Variants in DPYD observed in about 807,000 individuals in gnomAD.
DPYD encodes dihydropyrimidine dehydrogenase [NADP(+)].
A neutral mutation model predicts 116.2 loss-of-function variants in DPYD; 109 were observed. The ratio of observed to expected loss-of-function variants is 0.94; its 90% confidence interval spans 0.80 to 1.10. DPYD has a LOEUF of 1.10. DPYD is among the 50% of genes least tolerant of loss of function. DPYD has a pLI of 0.00. For synonymous variants in DPYD, 440 were observed against 432.0 expected, an observed-to-expected ratio of 1.02 and a Z score of -0.23; for missense variants, 1,302 against 1,254.5, an observed-to-expected ratio of 1.04 and a Z score of -0.57.
Position 97,193,236 on chromosome 1 carries a change from T to C in DPYD, c.2455A>G (p.Ile819Val). The C allele has an allele frequency of 3.1e-6, 5 of 1,613,568 alleles. No individual in the cohort carries two copies. Among genetic ancestry groups the C allele is most frequent in the Non-Finnish European group, 4.2e-6 (5 of 1,179,780 alleles). Residue 819 changes from isoleucine to valine, a missense_variant, in exon 20 of 23, where the codon ATT (isoleucine) becomes GTT (valine). By Grantham distance (29) the Ile-to-Val change is conservative. Transcript: ENST00000370192. ...GASVLQVCSA[I>V]QNQDFTVIED... Reference sequence around the variant, plus strand: ...ATCACAGTGAAATCCTGATTCTGAATGGCACTGCATACCTAGAAAAGACAG... The same window carrying C: ...ATCACAGTGAAATCCTGATTCTGAACGGCACTGCATACCTAGAAAAGACAG...
intron 20 of DPYD, among the ~76,000 whole-genome samples, chr1:97,158,578 T>C (rs971393195): frequency 1.3e-5 from 2 of 148,578 alleles, no homozygotes; most frequent in African/African-American, 5.0e-5. Flanking sequence ...TAAAGGGGAA[T>C]TGGCACCTGG....
chr1:97,314,565 G>A (rs1219183199), intron 16 of DPYD, among the ~76,000 whole-genome samples: 1 of 142,916 alleles, frequency 7.0e-6, no homozygotes, highest in East Asian at 2.1e-4. Context: ...ATTCCTGACT[G>A]CCAGCGTTCT....
At chr1:97,505,524 C>A (rs1181885140) in intron 13 of DPYD, among the ~76,000 whole-genome samples, 2 of 150,726 alleles carry the variant, frequency 1.3e-5, no homozygotes, top group South Asian at 2.1e-4. Context: ...TAAAATATTG[C>A]ATATTAAGTA....
chr1:97,508,852 A>C (rs1455566239), intron 13 of DPYD, among the ~76,000 whole-genome samples: 1 of 151,968 alleles, frequency 6.6e-6, no homozygotes, highest in African/African-American at 2.4e-5. Context: ...AATGGAACAC[A>C]ATGAAAATTA....
chr1:97,115,327 T>C (rs1160788934), intron 20 of DPYD, among the ~76,000 whole-genome samples: 2 of 152,200 alleles, frequency 1.3e-5, no homozygotes, highest in Admixed American at 6.5e-5. Flanking sequence ...TTGGCCCCCA[T>C]GAGTTCTTCA....
At chr1:97,812,505 T>G (rs552900574) in intron 3 of DPYD, among the ~76,000 whole-genome samples, 1 of 152,260 alleles carries the variant, frequency 6.6e-6, no homozygotes, top group African/African-American at 2.4e-5. Context: ...TTTTCCAAAG[T>G]ACATTTTTAA....
chr1:97,530,214 C>CTTTT (rs57740723), intron 12 of DPYD, among the ~76,000 whole-genome samples: 65 of 112,698 alleles, frequency 5.8e-4, no homozygotes, highest in Non-Finnish European at 8.1e-4. Context: ...CTTTTTTTTT[C>CTTTT]TTTTTTTTTT....
intron 16 of DPYD, among the ~76,000 whole-genome samples, chr1:97,336,001 G>C (rs1443745233): frequency 6.6e-6 from 1 of 152,094 alleles, no homozygotes; most frequent in South Asian, 2.1e-4. Context: ...GTCTCTCTTT[G>C]AGGTGACTGG....
intron 3 of DPYD, chr1:97,797,806 C>T (rs1006586484): frequency 6.6e-6 from 1 of 151,932 alleles, no homozygotes; most frequent in Admixed American, 6.6e-5. Context: ...CATAGTAAGC[C>T]TTTTTTAAAG....
intron 2 of DPYD, among the ~76,000 whole-genome samples, chr1:97,845,282 A>T (rs148746321): frequency 6.6e-5 from 10 of 152,092 alleles, no homozygotes; most frequent in Admixed American, 6.5e-4. Context: ...ACAGCCACCT[A>T]TAGACCAATC....
chr1:97,133,226 G>C (rs1653469551), intron 20 of DPYD, among the ~76,000 whole-genome samples: 1 of 151,830 alleles, frequency 6.6e-6, no homozygotes, highest in Admixed American at 6.6e-5. Flanking sequence ...AGCCTTTTTG[G>C]ATTTGGGTTA....
chr1:97,691,660 G>A (rs1661013255), intron 7 of DPYD, 57 bp downstream of exon 7: 1 of 1,399,370 alleles, frequency 7.1e-7, no homozygotes, highest in Non-Finnish European at 1.0e-6. Context: ...AATCTTTAGT[G>A]TAGAGCTTAC....
At chr1:97,813,316 G>A (rs553438185) in intron 3 of DPYD, among the ~76,000 whole-genome samples, 28 of 152,090 alleles carry the variant, frequency 1.8e-4, no homozygotes, top group South Asian at 4.2e-4. Flanking sequence ...CTCTGGGTGA[G>A]AAATGTCTCA....
At position 97,684,570 on chromosome 1, in the gene DPYD, A is replaced by AAT. The variant is rs1553219569; in HGVS notation, c.763-5390_763-5389dup. 1.0e-3 allele frequency among the ~76,000 whole-genome samples: 154 copies of AAT among 150,730 alleles called. 1 individual carries two copies. The highest frequency in any genetic ancestry group is 6.9e-3 in the Middle Eastern group (2 of 290). On this transcript the variant is annotated intron_variant, in intron 7 of 22. Transcript: ENST00000370192. Reference sequence around the variant, plus strand: ...CCGGGAGCTGGTTTTTTGAAAAAAAAATATATATATATATACACACACACC... The same window carrying AAT: ...CCGGGAGCTGGTTTTTTGAAAAAAAAATATATATATATATATACACACACACC...
intron 20 of DPYD, among the ~76,000 whole-genome samples, chr1:97,184,571 G>A (rs1235661106): frequency 3.9e-5 from 6 of 152,098 alleles, no homozygotes; most frequent in African/African-American, 1.4e-4. Context: ...ACGTCGCTGT[G>A]AAAGCAATTC....
intron 13 of DPYD, among the ~76,000 whole-genome samples, chr1:97,507,761 A>G (rs1647455102): frequency 6.6e-6 from 1 of 152,076 alleles, no homozygotes; most frequent in Non-Finnish European, 1.5e-5. Flanking sequence ...CAATTTGTGC[A>G]AACGCAGGAG....
chr1:97,484,329 A>AAAAC (rs1228225239), intron 13 of DPYD, among the ~76,000 whole-genome samples: 5 of 152,020 alleles, frequency 3.3e-5, no homozygotes, highest in Admixed American at 2.6e-4. Context: ...AACAAAAACA[A>AAAAC]AAAAATTCCC....
intron 1 of DPYD, among the ~76,000 whole-genome samples, chr1:97,892,838 C>T (rs1346972744): frequency 6.6e-6 from 1 of 151,754 alleles, no homozygotes. Flanking sequence ...AATCTTACAA[C>T]TTTCATTTTG....
chr1:97,237,675 A>C (rs1051308763), intron 18 of DPYD, among the ~76,000 whole-genome samples: 5 of 152,212 alleles, frequency 3.3e-5, no homozygotes. Flanking sequence ...AGAAATCTAC[A>C]TAACAAAAGT....
Sources: gnomAD v4.1 joint callset for allele counts (sites outside exome capture counted in the v4.1 genomes callset) on GRCh38, gnomAD v4.1.1 for gene constraint, MANE v1.5 for transcripts, NCBI Gene and HGNC (gene_info 2026-07-23, HGNC 2026-07-21) for gene names.